Variants in GPHN observed in about 807,000 individuals in gnomAD.
GPHN encodes gephyrin.
GPHN carries 17 observed loss-of-function variants against 95.5 expected under a neutral mutation model. The ratio of observed to expected loss-of-function variants is 0.18; its 90% confidence interval spans 0.12 to 0.27. GPHN has a LOEUF of 0.27. Ranked by LOEUF, GPHN falls within the 10% of genes least tolerant of loss-of-function variation. The pLI is 1.00. For synonymous variants in GPHN, 320 were observed against 322.5 expected (o/e 0.99, Z 0.08); for missense variants, 660 against 978.1 (o/e 0.67, Z 4.34).
chr14:67,274,568 T>C, the GPHN span, among the ~76,000 whole-genome samples: 1 of 152,244 alleles, frequency 6.6e-6, no homozygotes, highest in South Asian at 2.1e-4. Context: ...TGCCTTCAGC[T>C]TTATTCTTTT....
the GPHN span, chr14:67,376,400 CTT>C: frequency 6.5e-7 from 1 of 1,537,650 alleles, no homozygotes; most frequent in Non-Finnish European, 8.8e-7. Context: ...TTATAAATCT[CTT>C]ATCTTTGAAT....
chr14:67,271,531 G>C, the GPHN span: 1 of 152,166 alleles, frequency 6.6e-6, no homozygotes, highest in Non-Finnish European at 1.5e-5. Context: ...AATGTGACAG[G>C]GATTATAGGA....
the GPHN span, chr14:67,269,604 G>C: frequency 6.6e-6 from 1 of 152,498 alleles, no homozygotes; most frequent in South Asian, 2.1e-4. Flanking sequence ...GACAGAATTG[G>C]TTATCATATT....
intron 3 of GPHN, among the ~76,000 whole-genome samples, chr14:66,810,485 A>G (rs150719680): frequency 6.6e-6 from 1 of 152,090 alleles, no homozygotes; most frequent in Admixed American, 6.5e-5. Flanking sequence ...AGGAAAATTG[A>G]CATTATGTGT....
chr14:67,000,626 A>G (rs1349871728), intron 9 of GPHN, among the ~76,000 whole-genome samples: 1 of 151,680 alleles, frequency 6.6e-6, no homozygotes, highest in Non-Finnish European at 1.5e-5. Flanking sequence ...AAATCTTAGA[A>G]TTCTATCTTT....
At position 66,824,365 on chromosome 14, in the gene GPHN, TGAAAA is replaced by T. The variant is rs1379277025; in HGVS notation, c.202-105_202-101del. 7.6e-6 allele frequency: 5 copies of T among 658,148 alleles called. No individual in the cohort carries two copies. In the East Asian group the frequency reaches 1.4e-4, roughly 18 times the overall value. The allele number at this position is 658,148 out of a possible 1,614,324, so 40.8% of individuals were successfully genotyped here. A position where few individuals can be genotyped will look rare whatever the true frequency, so the allele number is the denominator to read the frequency against. ...GCTTAGAAATTTTCTTACTGACTGT[TGAAAA>T]GAATCTGTGTTTCCTCGTTGAATAC... On this transcript the variant is annotated intron_variant, in intron 3 of 22. Transcript: ENST00000478722.
At chr14:67,192,702 G>C in the GPHN span, among the ~76,000 whole-genome samples, 1 of 150,886 alleles carries the variant, frequency 6.6e-6, no homozygotes, top group African/African-American at 2.4e-5. Context: ...ATGATTGATA[G>C]CTGCTGTTTT....
intron 1 of GPHN, among the ~76,000 whole-genome samples, chr14:66,664,893 A>C (rs1364888692): frequency 6.6e-6 from 1 of 151,742 alleles, no homozygotes; most frequent in Non-Finnish European, 1.5e-5. Context: ...TCCTGGACAT[A>C]TACACCCTAC....
At chr14:67,450,055 C>G in the GPHN span, 1 of 154,218 alleles carries the variant, frequency 6.5e-6, no homozygotes, top group African/African-American at 2.4e-5. Flanking sequence ...AGAGCAAAAA[C>G]TCTGTCTCAA....
chr14:67,398,219 G>GT, the GPHN span, among the ~76,000 whole-genome samples: 2,917 of 151,744 alleles, frequency 0.019, 43 homozygotes, highest in East Asian at 0.061. Flanking sequence ...TTATTTTCTA[G>GT]TTTTTTTTGT....
rs1046692603 is a variant in GPHN at position 66,851,964 on chromosome 14, T to C, written c.294+27398T>C. Among the ~76,000 whole-genome samples, 4 of 152,118 alleles carry C rather than the reference T, an allele frequency of 2.6e-5. No homozygotes were observed. In the East Asian group the frequency reaches 5.8e-4, roughly 22 times the overall value. ...AAAGGGACATATGATTTTCTCTGGATAGAATTAATTGCACTTTTGGAATAA... is the reference window on the plus strand; with the variant it reads ...AAAGGGACATATGATTTTCTCTGGACAGAATTAATTGCACTTTTGGAATAA... On this transcript the variant is annotated intron_variant, in intron 4 of 22. Transcript: ENST00000478722.
At chr14:67,165,368 C>G (rs2082215076) in intron 20 of GPHN, 142 bp downstream of exon 20, 1 of 657,788 alleles carries the variant, frequency 1.5e-6, no homozygotes, top group Non-Finnish European at 2.7e-6. Flanking sequence ...CACTTAACCT[C>G]TCTAGGAAGT....
intron 2 of GPHN, among the ~76,000 whole-genome samples, chr14:66,745,470 A>G (rs999336658): frequency 6.6e-6 from 1 of 152,128 alleles, no homozygotes; most frequent in African/African-American, 2.4e-5. Flanking sequence ...ACCTATTTTT[A>G]GATTTCTCCA....
At chr14:67,343,003 T>C in the GPHN span, among the ~76,000 whole-genome samples, 1 of 152,222 alleles carries the variant, frequency 6.6e-6, no homozygotes. Flanking sequence ...AAGTTAAATA[T>C]TTAATGTACT....
chr14:67,121,518 A>G (rs770914837), intron 16 of GPHN, among the ~76,000 whole-genome samples: 2 of 152,194 alleles, frequency 1.3e-5, no homozygotes, highest in Non-Finnish European at 2.9e-5. Flanking sequence ...AAATTACGAC[A>G]AAGAATTTTG....
chr14:67,677,363 A>ATTTTTTTTTTTTTTTTT, the GPHN span: 3 of 31,968 alleles, frequency 9.4e-5, 1 homozygote, highest in African/African-American at 1.4e-4. Context: ...TGTTTTTAGG[A>ATTTTTTTTTTTTTTTTT]TTTTTTTTTT....
chr14:66,693,425 T>C (rs1014604120), intron 2 of GPHN, among the ~76,000 whole-genome samples: 2 of 152,198 alleles, frequency 1.3e-5, no homozygotes, highest in Non-Finnish European at 2.9e-5. Context: ...GATTGATTGA[T>C]TGATAGATAG....
chr14:67,034,982 A>G (rs2074351508), intron 10 of GPHN, among the ~76,000 whole-genome samples: 1 of 152,228 alleles, frequency 6.6e-6, no homozygotes, highest in South Asian at 2.1e-4. Context: ...CCTAGCATAC[A>G]TGGAATATTC....
the GPHN span, chr14:67,642,331 C>G: frequency 6.2e-7 from 1 of 1,614,048 alleles, no homozygotes; most frequent in Non-Finnish European, 8.5e-7. Flanking sequence ...TGTCAGATGG[C>G]TACAGCTGTG....
Sources: allele counts gnomAD v4.1 joint callset (sites outside exome capture counted in the v4.1 genomes callset), GRCh38; gene constraint gnomAD v4.1.1; transcripts MANE v1.5; gene names NCBI Gene and HGNC (gene_info 2026-07-23, HGNC 2026-07-21).